The following SPECC1 variants were observed in gnomAD, a reference collection of about 807,000 sequenced individuals.
SPECC1 encodes the protein sperm antigen with calponin homology and coiled-coil domains 1, also known as cytospin-B.
A neutral mutation model predicts 104.1 loss-of-function variants in SPECC1; 62 were observed. That is an observed-to-expected ratio of 0.60 (90% CI 0.49 to 0.74). SPECC1 has a LOEUF of 0.74. Ranked by LOEUF, SPECC1 falls within the 30% of genes least tolerant of loss-of-function variation. The pLI is 0.00. For synonymous variants in SPECC1, 513 were observed against 501.6 expected, an observed-to-expected ratio of 1.02 and a Z score of -0.30; for missense variants, 1,306 against 1,310.5, an observed-to-expected ratio of 1.00 and a Z score of 0.05.
At chr17:20,101,549 C>T (rs563614904) in intron 2 of SPECC1, among the ~76,000 whole-genome samples, 4 of 152,256 alleles carry the variant, frequency 2.6e-5, no homozygotes, top group South Asian at 4.1e-4. Context: ...AGGCTGGGGA[C>T]GTGGACACTC....
chr17:20,231,650 G>A, intron 5 of SPECC1, 108 bp from the exon 6 acceptor site: 3 of 915,184 alleles, frequency 3.3e-6, no homozygotes, highest in East Asian at 2.4e-5. Flanking sequence ...GGATGGATTT[G>A]GATGCCTGTT....
At chr17:20,185,218 C>T (rs1240182332) in intron 3 of SPECC1, 1 of 152,312 alleles carries the variant, frequency 6.6e-6, no homozygotes, top group African/African-American at 2.4e-5. Context: ...ACATGCCCTC[C>T]TACAGTGTGA....
At chr17:20,287,040 C>T (rs1481532050) in intron 12 of SPECC1, among the ~76,000 whole-genome samples, 1 of 152,260 alleles carries the variant, frequency 6.6e-6, no homozygotes, top group Non-Finnish European at 1.5e-5. Context: ...TCCCCTGCCT[C>T]CCCTGGGCTC....
chr17:20,259,340 C>T (rs2039944812), intron 11 of SPECC1, among the ~76,000 whole-genome samples: 1 of 152,068 alleles, frequency 6.6e-6, no homozygotes, highest in Admixed American at 6.5e-5. Flanking sequence ...GAAATGCATA[C>T]AAAAAGGCTA....
chr17:20,274,236 G>GAA (rs2040501465), intron 12 of SPECC1, among the ~76,000 whole-genome samples: 2 of 152,182 alleles, frequency 1.3e-5, no homozygotes, highest in Admixed American at 1.3e-4. Flanking sequence ...TGGGAACTGA[G>GAA]TGGTGTCTGG....
chr17:20,254,134 CGTGTGTGTGTGT>C (rs71357419), intron 10 of SPECC1, among the ~76,000 whole-genome samples: 31 of 135,974 alleles, frequency 2.3e-4, no homozygotes, highest in Middle Eastern at 7.4e-3. Context: ...GTTGTTACAC[CGTGTGTGTGTGT>C]GTGTGTGTGT....
chr17:20,111,362 A>G (rs987344443), intron 3 of SPECC1, among the ~76,000 whole-genome samples: 7 of 152,236 alleles, frequency 4.6e-5, no homozygotes, highest in Middle Eastern at 3.2e-3. Context: ...GTATATTTTA[A>G]TTTATCAGTT....
intron 3 of SPECC1, among the ~76,000 whole-genome samples, chr17:20,171,894 T>C (rs952600837): frequency 2.6e-5 from 4 of 152,190 alleles, no homozygotes; most frequent in African/African-American, 9.6e-5. Context: ...TCCTCTCTTA[T>C]CTGCTGCCTC....
intron 10 of SPECC1, among the ~76,000 whole-genome samples, chr17:20,256,094 G>T (rs557139267): frequency 2.0e-5 from 3 of 151,396 alleles, no homozygotes; most frequent in African/African-American, 7.3e-5. Context: ...AGCCAGGATG[G>T]TCTCGATCTC....
In SPECC1 at chr17:20,116,419, G is replaced by T. The variant is rs923611324; in HGVS notation, c.283+5857G>T. 5.3e-5 allele frequency among the ~76,000 whole-genome samples: 8 copies of T among 152,072 alleles called. No homozygotes were observed. In the East Asian group the frequency reaches 1.2e-3, roughly 22 times the overall value. ...AGCTTTCTTACCAGTGACTAGAAAAGATAATAATGTAAGAAACAGTTCTAT... is the reference window on the plus strand; with the variant it reads ...AGCTTTCTTACCAGTGACTAGAAAATATAATAATGTAAGAAACAGTTCTAT... On this transcript the variant is annotated intron_variant, in intron 3 of 14. Transcript: ENST00000395527.
At chr17:20,135,740 C>T (rs2049880718) in intron 3 of SPECC1, among the ~76,000 whole-genome samples, 1 of 152,200 alleles carries the variant, frequency 6.6e-6, no homozygotes, top group Non-Finnish European at 1.5e-5. Context: ...GTGTGAGCCA[C>T]TGTGCCTGAT....
chr17:20,080,520 C>G (rs1412865371), intron 1 of SPECC1, among the ~76,000 whole-genome samples: 1 of 151,956 alleles, frequency 6.6e-6, no homozygotes, highest in South Asian at 2.1e-4. Context: ...CACAAGTGCC[C>G]GACATAAATG....
At chr17:20,108,884 C>T (rs988397736) in intron 2 of SPECC1, among the ~76,000 whole-genome samples, 2 of 152,230 alleles carry the variant, frequency 1.3e-5, no homozygotes, top group East Asian at 1.9e-4. Context: ...GACTTACTGC[C>T]TTTCAGCAAA....
At chr17:20,200,697 T>C (rs1435743309) in intron 3 of SPECC1, among the ~76,000 whole-genome samples, 1 of 152,192 alleles carries the variant, frequency 6.6e-6, no homozygotes, top group Non-Finnish European at 1.5e-5. Flanking sequence ...TACTTTTCCC[T>C]GTCAGTACCC....
intron 3 of SPECC1, among the ~76,000 whole-genome samples, chr17:20,119,689 C>A (rs945563080): frequency 6.6e-6 from 1 of 152,208 alleles, no homozygotes; most frequent in Non-Finnish European, 1.5e-5. Flanking sequence ...CAGTGGTATG[C>A]AGTGCCTGTC....
At chr17:20,287,698 T>A (rs921902920) in intron 12 of SPECC1, among the ~76,000 whole-genome samples, 1 of 151,794 alleles carries the variant, frequency 6.6e-6, no homozygotes, top group Non-Finnish European at 1.5e-5. Context: ...CACAGGGCTC[T>A]GCAGGTTGCT....
intron 3 of SPECC1, among the ~76,000 whole-genome samples, chr17:20,164,336 A>AT (rs1045938941): frequency 2.1e-4 from 32 of 149,342 alleles, no homozygotes; most frequent in South Asian, 1.9e-3. Context: ...ATTAAAAAAA[A>AT]TTTTTTTTTT....
chr17:20,152,568 G>A (rs1032928236), intron 3 of SPECC1, among the ~76,000 whole-genome samples: 1 of 152,236 alleles, frequency 6.6e-6, no homozygotes, highest in Non-Finnish European at 1.5e-5. Context: ...TTCTGGTGAG[G>A]AGTCTTCTTG....
intron 1 of SPECC1, among the ~76,000 whole-genome samples, chr17:20,044,258 A>G (rs2045447760): frequency 6.6e-6 from 1 of 152,274 alleles, no homozygotes; most frequent in Non-Finnish European, 1.5e-5. Context: ...AGCATGCTAA[A>G]AAAAAGGCTA....
Sources: allele counts gnomAD v4.1 joint callset (sites outside exome capture counted in the v4.1 genomes callset), GRCh38; gene constraint gnomAD v4.1.1; transcripts MANE v1.5; gene names NCBI Gene and HGNC (gene_info 2026-07-23, HGNC 2026-07-21).